KLHL32: variants seen among roughly 807,000 people sequenced by gnomAD.
The protein encoded by KLHL32 is kelch like family member 32.
KLHL32 carries 35 observed loss-of-function variants against 64.8 expected under a neutral mutation model. The ratio of observed to expected loss-of-function variants is 0.54; its 90% CI spans 0.41 to 0.72. The LOEUF is 0.72. KLHL32 is among the 30% of genes least tolerant of loss of function. KLHL32 has a pLI of 0.00. For synonymous variants in KLHL32, 259 were observed against 281.0 expected (o/e 0.92, Z 0.78); for missense variants, 589 against 768.5 (o/e 0.77, Z 2.76).
intron 5 of KLHL32, among the ~76,000 whole-genome samples, chr6:97,069,250 T>C (rs1257976219): frequency 6.6e-6 from 1 of 152,144 alleles, no homozygotes; most frequent in Non-Finnish European, 1.5e-5. Flanking sequence ...GTAACTGATG[T>C]TTACTCAGCA....
At chr6:96,982,308 C>CTTCT (rs1448482412) in intron 3 of KLHL32, among the ~76,000 whole-genome samples, 1 of 152,068 alleles carries the variant, frequency 6.6e-6, no homozygotes, top group African/African-American at 2.4e-5. Flanking sequence ...AGGTAATGCC[C>CTTCT]TTCTTTGTCT....
chr6:96,902,140 C>T, the KLHL32 span, among the ~76,000 whole-genome samples: 6 of 152,172 alleles, frequency 3.9e-5, no homozygotes, highest in Admixed American at 3.9e-4. Flanking sequence ...ATTTCTGCCT[C>T]TAGGTTTCTG....
intron 7 of KLHL32, among the ~76,000 whole-genome samples, chr6:97,126,640 C>T (rs913762924): frequency 6.6e-5 from 10 of 151,996 alleles, no homozygotes; most frequent in African/African-American, 2.4e-4. Flanking sequence ...CCCCATGTGA[C>T]TTATTGAATC....
the KLHL32 span, among the ~76,000 whole-genome samples, chr6:96,907,896 T>G: frequency 1.3e-5 from 2 of 152,238 alleles, no homozygotes; most frequent in Non-Finnish European, 2.9e-5. Flanking sequence ...TAATAGCTCT[T>G]CTTTGTATGT....
At chr6:96,939,886 G>A (rs1771075766) in intron 1 of KLHL32, among the ~76,000 whole-genome samples, 1 of 152,056 alleles carries the variant, frequency 6.6e-6, no homozygotes, top group Non-Finnish European at 1.5e-5. Context: ...CAGATCAAAG[G>A]TCATAGAAGT....
At position 97,114,014 on chromosome 6, in the gene KLHL32, C is replaced by T; in HGVS notation, c.859C>T (p.Gln287Ter). The part of the protein sequence containing the change: ...WQTRRTKPRF[Q>*]SDTLYIIGGK... ...GACTCGCAGGACCAAACCACGATTC[C>T]AGTCAGACACTCTGTATATCATTGG... Residue 287 changes from glutamine to a stop codon, truncating the protein, a stop_gained, in exon 7 of 11, where the codon CAG becomes TAG. Coordinates refer to ENST00000369261, the MANE Select transcript of KLHL32 (RefSeq NM_052904.4). LOFTEE classifies it high-confidence loss of function. The T allele has an allele frequency of 6.2e-7, 1 of 1,614,234 alleles. No homozygotes were observed. Among genetic ancestry groups the T allele is most frequent in the Non-Finnish European group, 8.5e-7 (1 of 1,180,048 alleles).
Position 96,976,099 on chromosome 6 carries a change from C to T in KLHL32, c.126C>T (p.Cys42=), listed in dbSNP as rs369378656. 3.4e-5 allele frequency: 55 copies of T among 1,608,274 alleles called. No individual in the cohort carries two copies. Among genetic ancestry groups the T allele is most frequent in the Non-Finnish European group, 4.4e-5 (52 of 1,176,002 alleles). ...LNQQRSDGIL[C]DITLIAEEQK... ...AGCAGAGGAGTGATGGCATCCTCTG[C>T]GACATCACCCTGATTGCTGAGGAAC... Residue 42 remains cysteine, a synonymous_variant, in exon 3 of 11, where the codon TGC becomes TGT. Transcript: ENST00000369261.
chr6:97,109,906 A>G (rs1054375301), intron 6 of KLHL32, among the ~76,000 whole-genome samples: 6 of 152,232 alleles, frequency 3.9e-5, no homozygotes, highest in African/African-American at 1.4e-4. Context: ...ACAATAGCAA[A>G]TATTACGTTT....
chr6:96,995,312 G>A (rs1778294798), intron 3 of KLHL32, among the ~76,000 whole-genome samples: 1 of 152,126 alleles, frequency 6.6e-6, no homozygotes, highest in Non-Finnish European at 1.5e-5. Flanking sequence ...CTTTTTGATG[G>A]GTCAGAATAA....
chr6:96,916,582 T>C, the KLHL32 span, among the ~76,000 whole-genome samples: 2 of 152,180 alleles, frequency 1.3e-5, no homozygotes, highest in South Asian at 4.1e-4. Context: ...GGTACGTGAG[T>C]CCTTGGGTCA....
In KLHL32 at chr6:97,043,319, T is replaced by G. The variant is rs377367474; in HGVS notation, c.312+1720T>G. 4.6e-5 allele frequency among the ~76,000 whole-genome samples: 7 copies of G among 152,304 alleles called. No homozygotes were observed. In the East Asian group the frequency reaches 1.2e-3, roughly 25 times the overall value. ...AGCATATAAGTGAGATCATGAAGTATTTGTCTTTCTGTGCCTTGCTTATTT... is the reference window on the plus strand; with the variant it reads ...AGCATATAAGTGAGATCATGAAGTAGTTGTCTTTCTGTGCCTTGCTTATTT... On this transcript the variant is annotated intron_variant, in intron 4 of 10. Coordinates refer to ENST00000369261, the MANE Select transcript of KLHL32 (RefSeq NM_052904.4).
chr6:96,976,332 C>T (rs371905888), intron 3 of KLHL32, among the ~76,000 whole-genome samples, 155 bp downstream of exon 3: 8 of 152,192 alleles, frequency 5.3e-5, no homozygotes, highest in Admixed American at 1.3e-4. Flanking sequence ...CTTCCTGGGG[C>T]CCCATTGGGT....
At chr6:97,048,120 A>G (rs1786218738) in intron 4 of KLHL32, among the ~76,000 whole-genome samples, 1 of 152,096 alleles carries the variant, frequency 6.6e-6, no homozygotes, top group Non-Finnish European at 1.5e-5. Context: ...TCCCTTGGAG[A>G]CTGATGAAGA....
rs1169219585 is a variant in KLHL32, at chr6:97,138,996, G to T, written c.1702-125G>T. On this transcript the variant is annotated intron_variant, in intron 10 of 10. Coordinates refer to ENST00000369261, the MANE Select transcript of KLHL32 (RefSeq NM_052904.4). ...TCTAGTACCATCCAAGCAAGAAAAA[G>T]AATTCCTAAGATATGGTGATGGTGA... 11 of 847,840 alleles carry T rather than the reference G, an allele frequency of 1.3e-5. No individual in the cohort carries two copies. In the South Asian group the frequency reaches 1.5e-4, roughly 12 times the overall value. 52.5% of individuals were successfully genotyped at this position (847,840 alleles called of 1,614,324 possible). A position where few individuals can be genotyped will look rare whatever the true frequency, so the allele number is the denominator to read the frequency against.
chr6:96,935,422 T>C (rs926285124), intron 1 of KLHL32, among the ~76,000 whole-genome samples: 3 of 152,218 alleles, frequency 2.0e-5, no homozygotes, highest in African/African-American at 7.2e-5. Flanking sequence ...TAAAGTAAGG[T>C]AAATGCTGTC....
At chr6:96,968,935 A>C (rs1026754797) in intron 2 of KLHL32, among the ~76,000 whole-genome samples, 1 of 152,148 alleles carries the variant, frequency 6.6e-6, no homozygotes, top group African/African-American at 2.4e-5. Flanking sequence ...TTACTCCACA[A>C]ATTGATTGTT....
intron 3 of KLHL32, among the ~76,000 whole-genome samples, chr6:96,979,694 A>G (rs1776084292): frequency 6.6e-6 from 1 of 152,186 alleles, no homozygotes; most frequent in African/African-American, 2.4e-5. Context: ...TAATTCTGTG[A>G]AAAACATCAT....
At chr6:97,019,119 T>G (rs1406957257) in intron 3 of KLHL32, among the ~76,000 whole-genome samples, 1 of 152,148 alleles carries the variant, frequency 6.6e-6, no homozygotes, top group Non-Finnish European at 1.5e-5. Flanking sequence ...TACTTGCAAT[T>G]GTAAAAAATA....
At chr6:97,118,027 A>G (rs1797981599) in intron 7 of KLHL32, among the ~76,000 whole-genome samples, 1 of 152,226 alleles carries the variant, frequency 6.6e-6, no homozygotes, top group Non-Finnish European at 1.5e-5. Context: ...CATGAAATTA[A>G]TTTAGCAAAC....
Sources: allele counts gnomAD v4.1 joint callset (sites outside exome capture counted in the v4.1 genomes callset), GRCh38; gene constraint gnomAD v4.1.1; transcripts MANE v1.5; gene names NCBI Gene and HGNC (gene_info 2026-07-23, HGNC 2026-07-21).